The following HIVEP3 variants were observed in gnomAD, a reference collection of about 807,000 sequenced individuals.
HIVEP3 encodes the protein HIVEP zinc finger 3, also known as transcription factor HIVEP3.
A neutral mutation model predicts 152.8 loss-of-function variants in HIVEP3; 49 were observed. The ratio of observed to expected loss-of-function variants is 0.32; its 90% confidence interval spans 0.26 to 0.41. The LOEUF (loss-of-function observed/expected upper bound fraction) is 0.41, where lower values mean the gene tolerates loss of function less well. HIVEP3 is among the 10% of genes least tolerant of loss of function. The probability of loss-of-function intolerance (pLI) is 1.00; values close to 1 mark genes in which losing one functional copy is unlikely to be tolerated. For missense variants in HIVEP3, 2,790 were observed against 3,103.3 expected, an observed-to-expected ratio of 0.90 and a Z score of 2.40; for synonymous variants, 1,269 against 1,289.0, an observed-to-expected ratio of 0.98 and a Z score of 0.33.
intron 2 of HIVEP3, among the ~76,000 whole-genome samples, chr1:41,671,617 C>G (rs1645877308): frequency 6.6e-6 from 1 of 152,222 alleles, no homozygotes. Flanking sequence ...CTCAGAAAGC[C>G]ACAGGTCAAA....
chr1:41,986,956 G>C lies in HIVEP3; in HGVS notation n.119+48851C>G, dbSNP rs185547023. 1.2e-4 allele frequency among the ~76,000 whole-genome samples: 18 copies of C among 152,272 alleles called. No individual in the cohort carries two copies. In the East Asian group the frequency reaches 3.5e-3, roughly 29 times the overall value. On this transcript the variant is annotated intron_variant and non_coding_transcript_variant, in intron 1 of 3. Transcript: ENST00000489103. ...AATCAATTATTCTAGATACTGCTTT[G>C]TATTGCTCATATCCCTGATCGACAA...
intron 1 of HIVEP3, among the ~76,000 whole-genome samples, chr1:41,951,409 C>T (rs1645106328): frequency 6.6e-6 from 1 of 152,104 alleles, no homozygotes; most frequent in Non-Finnish European, 1.5e-5. Flanking sequence ...TGATGGGTGG[C>T]AGACAATGAC....
chr1:41,694,495 A>G (rs1043036833), intron 2 of HIVEP3, among the ~76,000 whole-genome samples: 2 of 152,208 alleles, frequency 1.3e-5, no homozygotes, highest in African/African-American at 4.8e-5. Flanking sequence ...TCCTCCTGGA[A>G]AGCTAATTGT....
intron 1 of HIVEP3, among the ~76,000 whole-genome samples, chr1:41,983,734 C>A (rs1395708608): frequency 6.6e-6 from 1 of 152,200 alleles, no homozygotes. Context: ...CCACCTCTTT[C>A]TCAGCTGAGG....
chr1:41,697,330 G>A (rs1474644444), intron 2 of HIVEP3, among the ~76,000 whole-genome samples: 3 of 152,184 alleles, frequency 2.0e-5, no homozygotes, highest in Non-Finnish European at 2.9e-5. Flanking sequence ...AAAAAGAACA[G>A]AACAAAACAA....
chr1:41,646,218 T>C (rs1387865774), intron 2 of HIVEP3, among the ~76,000 whole-genome samples: 2 of 152,118 alleles, frequency 1.3e-5, no homozygotes, highest in African/African-American at 2.4e-5. Flanking sequence ...AAAGGCCTTC[T>C]TCATCAGCCT....
intron 1 of HIVEP3, among the ~76,000 whole-genome samples, chr1:41,867,386 A>G (rs1001453905): frequency 3.9e-5 from 6 of 152,210 alleles, no homozygotes; most frequent in African/African-American, 1.4e-4. Flanking sequence ...TTGAGGTGCC[A>G]TATAAAAACA....
chr1:41,897,881 A>T (rs1257507111), intron 1 of HIVEP3, among the ~76,000 whole-genome samples: 1 of 151,252 alleles, frequency 6.6e-6, no homozygotes, highest in African/African-American at 2.4e-5. Context: ...GAATGACCTA[A>T]TTCTTTATTG....
chr1:41,787,663 G>C (rs1649436051), intron 1 of HIVEP3, among the ~76,000 whole-genome samples: 1 of 151,040 alleles, frequency 6.6e-6, no homozygotes, highest in African/African-American at 2.4e-5. Context: ...TGGGACTACA[G>C]GTGTGCAGCA....
At position 41,918,064 on chromosome 1, in the gene HIVEP3, C is replaced by T. The variant is rs527412064; in HGVS notation, c.-801+349G>A. Among the ~76,000 whole-genome samples the T allele has an allele frequency of 2.6e-5, 4 of 152,336 alleles. No homozygotes were observed. The South Asian group carries it at 8.3e-4, about 32-fold the overall frequency. ...CGGGTGCAGAGCCCAGCAGAGCCTG[C>T]TGCAAGCAGCGCTGGAGCGCACGGC... On this transcript the variant is annotated intron_variant, in intron 1 of 8. Transcript: ENST00000372583. This position sits in a 1 kb window ranked among gnomAD's most constrained non-coding sequence, Gnocchi z 4.3.
intron 2 of HIVEP3, among the ~76,000 whole-genome samples, chr1:41,636,740 C>T (rs149424402): frequency 6.6e-6 from 1 of 152,136 alleles, no homozygotes. Flanking sequence ...ATGTGGATCA[C>T]TTGAGGTCAG....
chr1:41,597,878 A>G (rs954570811), intron 3 of HIVEP3, among the ~76,000 whole-genome samples: 4 of 152,224 alleles, frequency 2.6e-5, no homozygotes, highest in African/African-American at 9.6e-5. Context: ...TACCTCACCT[A>G]CACACATCTA....
At chr1:41,841,568 G>A (rs1488982580) in intron 1 of HIVEP3, among the ~76,000 whole-genome samples, 21 of 152,184 alleles carry the variant, frequency 1.4e-4, no homozygotes, top group Non-Finnish European at 4.4e-5. Flanking sequence ...TAAAATGGGG[G>A]AGAGGGGAAC....
At chr1:41,694,098 G>A (rs189269378) in intron 2 of HIVEP3, among the ~76,000 whole-genome samples, 5 of 152,094 alleles carry the variant, frequency 3.3e-5, no homozygotes, top group South Asian at 2.1e-4. Context: ...TTGGGATTTC[G>A]AGATTCAATT....
At chr1:41,575,151 A>G (rs1434722911) in intron 5 of HIVEP3, among the ~76,000 whole-genome samples, 2 of 152,216 alleles carry the variant, frequency 1.3e-5, no homozygotes, top group African/African-American at 4.8e-5. Context: ...CAAGATGGCC[A>G]TTGGGCAGTA....
chr1:41,871,488 G>A (rs891857526), intron 1 of HIVEP3, among the ~76,000 whole-genome samples: 2 of 151,768 alleles, frequency 1.3e-5, no homozygotes, highest in African/African-American at 4.8e-5. Context: ...ATGCAGAAGT[G>A]AACAGGAGTT....
At chr1:41,557,894 C>A (rs1643993061) in intron 5 of HIVEP3, among the ~76,000 whole-genome samples, 1 of 152,194 alleles carries the variant, frequency 6.6e-6, no homozygotes, top group Admixed American at 6.5e-5. Flanking sequence ...AGAACCCCCA[C>A]CCAGCGAGGG....
In HIVEP3 at chr1:41,918,040, G is replaced by A. The variant is rs1644899018; in HGVS notation, c.-801+373C>T. ...CCTATGGAGCCGGCCGCCAGTGCGC[G>A]GGTGCAGAGCCCAGCAGAGCCTGCT... On this transcript the variant is annotated intron_variant, in intron 1 of 8. Transcript: ENST00000372583. This position sits in a 1 kb window ranked among gnomAD's most constrained non-coding sequence, Gnocchi z 4.3. Among the ~76,000 whole-genome samples the A allele has an allele frequency of 6.6e-6, 1 of 152,206 alleles. No individual in the cohort carries two copies. Among genetic ancestry groups the A allele is most frequent in the African/African-American group, 2.4e-5 (1 of 41,454 alleles).
rs575671681 is a variant in HIVEP3, at chr1:42,003,926, C to A, written n.119+31881G>T. On this transcript the variant is annotated intron_variant and non_coding_transcript_variant, in intron 1 of 3. Transcript: ENST00000489103. ...TTAAATGTGTCGTTTTTCTGTCTCA[C>A]AAATTTTGCCACCAAAAAAAGGAAC... Among the ~76,000 whole-genome samples the A allele has an allele frequency of 1.2e-4, 19 of 152,246 alleles. No individual in the cohort carries two copies. In the South Asian group the frequency reaches 3.9e-3, roughly 32 times the overall value.
Sources: gnomAD v4.1 joint callset for allele counts (sites outside exome capture counted in the v4.1 genomes callset) on GRCh38, gnomAD v4.1.1 for gene constraint, Gnocchi (gnomAD v3.1) non-coding constraint, MANE v1.5 for transcripts, NCBI Gene and HGNC (gene_info 2026-07-23, HGNC 2026-07-21) for gene names.